The following GPHN variants were observed in gnomAD, a reference collection of about 807,000 sequenced individuals.
GPHN encodes gephyrin.
In GPHN, 17 loss-of-function variants were observed where a neutral mutation model predicts 95.5. That is an observed-to-expected ratio of 0.18 (90% CI 0.12 to 0.27). The LOEUF (loss-of-function observed/expected upper bound fraction) is 0.27, where lower values mean the gene tolerates loss of function less well. Ranked by LOEUF, GPHN falls within the 10% of genes least tolerant of loss-of-function variation. The pLI, the probability that GPHN is intolerant of heterozygous loss-of-function variation, is 1.00. For synonymous variants in GPHN, 320 were observed against 322.5 expected (o/e 0.99, Z 0.08); for missense variants, 660 against 978.1 (o/e 0.67, Z 4.34).
chr14:67,524,628 C>A, the GPHN span, among the ~76,000 whole-genome samples: 1 of 152,110 alleles, frequency 6.6e-6, no homozygotes, highest in Non-Finnish European at 1.5e-5. Flanking sequence ...TTGAAAGTTG[C>A]GAGATGGGCT....
At chr14:67,389,148 T>C in the GPHN span, among the ~76,000 whole-genome samples, 2 of 152,046 alleles carry the variant, frequency 1.3e-5, no homozygotes, top group South Asian at 2.1e-4. Context: ...CTAGGAGCCC[T>C]TCAATTAATC....
chr14:67,487,733 A>C, the GPHN span, among the ~76,000 whole-genome samples: 1 of 152,150 alleles, frequency 6.6e-6, no homozygotes, highest in Non-Finnish European at 1.5e-5. Context: ...CTTCCTATGA[A>C]CATCAGTAAC....
At chr14:66,631,403 AT>A (rs1566733207) in intron 1 of GPHN, among the ~76,000 whole-genome samples, 1 of 152,126 alleles carries the variant, frequency 6.6e-6, no homozygotes, top group Non-Finnish European at 1.5e-5. Flanking sequence ...TGTATTTATT[AT>A]TCTTGAGTTT....
chr14:67,194,110 C>G, the GPHN span, among the ~76,000 whole-genome samples: 1 of 152,018 alleles, frequency 6.6e-6, no homozygotes, highest in Non-Finnish European at 1.5e-5. Flanking sequence ...CACCTATAAT[C>G]CTAGCACTTT....
chr14:67,699,326 G>A, the GPHN span, among the ~76,000 whole-genome samples: 2 of 151,468 alleles, frequency 1.3e-5, no homozygotes, highest in South Asian at 2.1e-4. Context: ...AGGCCAAGGC[G>A]GGAGGATCAC....
chr14:67,658,387 G>A, the GPHN span, among the ~76,000 whole-genome samples: 1 of 152,078 alleles, frequency 6.6e-6, no homozygotes, highest in Non-Finnish European at 1.5e-5. Context: ...AAGGTCAGGA[G>A]ATGGAGATCA....
chr14:67,131,848 C>A (rs1481393530), intron 17 of GPHN, among the ~76,000 whole-genome samples: 1 of 152,048 alleles, frequency 6.6e-6, no homozygotes, highest in African/African-American at 2.4e-5. Flanking sequence ...ATTCCTCAAA[C>A]TGATTTTAAG....
At chr14:67,615,716 A>T in the GPHN span, 1 of 499,326 alleles carries the variant, frequency 2.0e-6, no homozygotes. Context: ...ATGAAAACAT[A>T]TATCCCTCCT....
At chr14:66,695,608 T>A (rs1228323448) in intron 2 of GPHN, among the ~76,000 whole-genome samples, 3 of 152,230 alleles carry the variant, frequency 2.0e-5, no homozygotes, top group Non-Finnish European at 2.9e-5. Flanking sequence ...GCAACCAAGA[T>A]AACCTTCAGT....
chr14:67,348,810 G>A, the GPHN span: 9 of 429,874 alleles, frequency 2.1e-5, no homozygotes, highest in Admixed American at 7.7e-5. Context: ...ATGAGCCACC[G>A]TGCCCAGCCG....
the GPHN span, among the ~76,000 whole-genome samples, chr14:67,539,244 C>T: frequency 6.6e-6 from 1 of 152,186 alleles, no homozygotes; most frequent in South Asian, 2.1e-4. Flanking sequence ...TTTGTCTTTT[C>T]AGCTGTGATC....
the GPHN span, among the ~76,000 whole-genome samples, chr14:67,724,122 G>C: frequency 6.6e-6 from 1 of 152,208 alleles, no homozygotes. Context: ...TTGAATGTAG[G>C]TTAGAGGGGA....
chr14:67,550,480 C>A, the GPHN span, among the ~76,000 whole-genome samples: 22 of 152,168 alleles, frequency 1.4e-4, no homozygotes, highest in African/African-American at 4.6e-4. Flanking sequence ...TGCACCACCG[C>A]GCCCAGCCAA....
the GPHN span, among the ~76,000 whole-genome samples, chr14:67,287,121 G>A: frequency 6.6e-6 from 1 of 151,990 alleles, no homozygotes; most frequent in African/African-American, 2.4e-5. Flanking sequence ...GGGAGGCTGA[G>A]GTGGGAAGGA....
At chr14:66,746,702 GTTTC>G (rs1358615981) in intron 2 of GPHN, among the ~76,000 whole-genome samples, 2 of 152,084 alleles carry the variant, frequency 1.3e-5, no homozygotes, top group African/African-American at 4.8e-5. Flanking sequence ...AAAAGAAATT[GTTTC>G]TTTCTGCAGT....
chr14:67,116,510 G>A (rs748572603), intron 16 of GPHN, among the ~76,000 whole-genome samples: 2 of 151,878 alleles, frequency 1.3e-5, no homozygotes, highest in Non-Finnish European at 2.9e-5. Flanking sequence ...AAAATCTATT[G>A]AAATGAAAAA....
chr14:66,709,258 TAAACA>T, intron 2 of GPHN: 1 of 420,438 alleles, frequency 2.4e-6, no homozygotes, highest in South Asian at 1.7e-5. Flanking sequence ...ATAGCACTAT[TAAACA>T]GGATTAGAAC....
At chr14:66,690,409 A>G (rs756927735) in intron 2 of GPHN, among the ~76,000 whole-genome samples, 10 of 152,178 alleles carry the variant, frequency 6.6e-5, no homozygotes, top group South Asian at 4.1e-4. Context: ...TATGACTTCA[A>G]TTCTTTTAGA....
chr14:67,315,063 A>G, the GPHN span, among the ~76,000 whole-genome samples: 1 of 152,132 alleles, frequency 6.6e-6, no homozygotes, highest in Non-Finnish European at 1.5e-5. Flanking sequence ...AGCTTTGATC[A>G]CACCAGTGTA....
Sources: allele counts gnomAD v4.1 joint callset (sites outside exome capture counted in the v4.1 genomes callset), GRCh38; gene constraint gnomAD v4.1.1; transcripts MANE v1.5; gene names NCBI Gene and HGNC (gene_info 2026-07-23, HGNC 2026-07-21).